Variants in AKAP13 observed in about 807,000 individuals in gnomAD.
AKAP13 encodes A-kinase anchoring protein 13.
In AKAP13, 80 loss-of-function variants were observed where a neutral mutation model predicts 264.5. The observed-to-expected ratio is 0.30, with a 90% CI of 0.25 to 0.36. The LOEUF (loss-of-function observed/expected upper bound fraction) is 0.36. Ranked by LOEUF, AKAP13 falls within the 10% of genes least tolerant of loss-of-function variation. AKAP13 has a pLI of 1.00. For missense variants in AKAP13, 3,712 were observed against 3,435.2 expected, an observed-to-expected ratio of 1.08 and a Z score of -2.01; for synonymous variants, 1,380 against 1,250.2, an observed-to-expected ratio of 1.10 and a Z score of -2.19.
intron 8 of AKAP13, among the ~76,000 whole-genome samples, chr15:85,631,291 G>A (rs1268536919): frequency 1.3e-5 from 2 of 152,010 alleles, no homozygotes; most frequent in Non-Finnish European, 2.9e-5. Flanking sequence ...TGGGGGTGAG[G>A]CATGACTACT....
intron 1 of AKAP13, among the ~76,000 whole-genome samples, chr15:85,391,607 C>G (rs1163017105): frequency 6.6e-6 from 1 of 151,006 alleles, no homozygotes; most frequent in Non-Finnish European, 1.5e-5. Context: ...ACCTTAGCCT[C>G]CCCAGCAGCT....
chr15:85,423,020 A>G (rs1268738027), intron 1 of AKAP13, among the ~76,000 whole-genome samples: 1 of 152,262 alleles, frequency 6.6e-6, no homozygotes, highest in Non-Finnish European at 1.5e-5. Context: ...GTGTGATAGC[A>G]TTGCATCTAA....
chr15:85,645,781 T>C, intron 9 of AKAP13, 37 bp from the exon 10 acceptor site: 1 of 1,541,746 alleles, frequency 6.5e-7, no homozygotes, highest in South Asian at 1.2e-5. Flanking sequence ...TTTTGTTTTT[T>C]TTTTTTCAAT....
chr15:85,452,640 G>T (rs886978991), intron 1 of AKAP13, among the ~76,000 whole-genome samples: 3 of 152,254 alleles, frequency 2.0e-5, no homozygotes, highest in African/African-American at 7.2e-5. Context: ...GGTATGTCAG[G>T]TATCTTTGGT....
At chr15:85,697,441 C>T (rs1026494094) in intron 17 of AKAP13, among the ~76,000 whole-genome samples, 4 of 152,088 alleles carry the variant, frequency 2.6e-5, no homozygotes, top group South Asian at 2.1e-4. Context: ...TGGTGGCGTG[C>T]GCCTGTAATC....
intron 1 of AKAP13, among the ~76,000 whole-genome samples, chr15:85,485,267 A>C (rs2075497601): frequency 6.6e-6 from 1 of 152,176 alleles, no homozygotes; most frequent in Admixed American, 6.5e-5. Flanking sequence ...GGAATTGAGG[A>C]AGAGAGTTCT....
chr15:85,581,305 T>C lies in AKAP13; in HGVS notation c.3237T>C (p.Ser1079=), dbSNP rs753432717. The C allele has an allele frequency of 3.1e-6, 5 of 1,614,054 alleles. No homozygotes were observed. The African/African-American group carries it at 6.7e-5, about 22-fold the overall frequency. The part of the protein sequence containing the change: ...VKNTQSQGKT[S]ACEVSGDVTV... The stretch of plus-strand genomic sequence containing the variant: ...ACACTCAATCCCAGGGAAAAACTAG[T>C]GCCTGTGAGGTGAGTGGAGATGTGA... The change falls in exon 7 of 37, where the codon AGT becomes AGC. Residue 1079 remains serine (S), a synonymous_variant. Transcript: ENST00000394518.
At position 85,722,124 on chromosome 15, in the gene AKAP13, T is replaced by G; in HGVS notation, c.6378+8T>G. 6.2e-7 allele frequency: 1 copy of G among 1,613,484 alleles called. No individual in the cohort carries two copies. The highest frequency in any genetic ancestry group is 8.5e-7 in the Non-Finnish European group (1 of 1,179,738). On this transcript the variant is annotated splice_region_variant and intron_variant, in intron 24 of 36. Transcript: ENST00000394518. Reference sequence around the variant, plus strand: ...TTTCAAGCCTTTGTAAAGGTATTGATAAGAAACATGAAAATCCCCGTTATT... The same window carrying G: ...TTTCAAGCCTTTGTAAAGGTATTGAGAAGAAACATGAAAATCCCCGTTATT...
chr15:85,499,713 C>T (rs915636714), intron 2 of AKAP13, among the ~76,000 whole-genome samples: 6 of 152,062 alleles, frequency 3.9e-5, no homozygotes, highest in Middle Eastern at 3.4e-3. Flanking sequence ...GGATTCATTT[C>T]CTGCCACTTG....
chr15:85,634,944 A>G (rs1307441141), intron 8 of AKAP13, among the ~76,000 whole-genome samples: 1 of 151,654 alleles, frequency 6.6e-6, no homozygotes, highest in Non-Finnish European at 1.5e-5. Context: ...TTGTATGGAT[A>G]TATTATAATT....
At chr15:85,542,736 A>G (rs529141591) in intron 4 of AKAP13, among the ~76,000 whole-genome samples, 7 of 152,332 alleles carry the variant, frequency 4.6e-5, no homozygotes, top group Non-Finnish European at 8.8e-5. Context: ...GGACTGCTGA[A>G]GGAAGAGAGT....
Position 85,664,616 on chromosome 15 carries a change from C to T in AKAP13, c.4853C>T (p.Ser1618Leu), listed in dbSNP as rs1450984518. ...GGAGVGNKPS[S>L]SLEVSSANAE... Reference sequence around the variant, plus strand: ...GCTGGTGTCGGAAACAAGCCATCCTCATCTCTAGAAGTAAGCTCTGCAAAT... The same window carrying T: ...GCTGGTGTCGGAAACAAGCCATCCTTATCTCTAGAAGTAAGCTCTGCAAAT... The change falls in exon 13 of 37, where the codon TCA becomes TTA. Residue 1618 changes from serine to leucine, a missense_variant. Ser to Leu is a moderately radical substitution (Grantham distance 145). Coordinates refer to ENST00000394518, the MANE Select transcript of AKAP13 (RefSeq NM_007200.5). 4 of 1,613,922 alleles carry T rather than the reference C, an allele frequency of 2.5e-6. No homozygotes were observed. The highest frequency in any genetic ancestry group is 3.4e-6 in the Non-Finnish European group (4 of 1,179,872).
intron 14 of AKAP13, among the ~76,000 whole-genome samples, chr15:85,680,381 G>C (rs760131320): frequency 2.0e-5 from 3 of 152,092 alleles, no homozygotes; most frequent in Non-Finnish European, 2.9e-5. Flanking sequence ...TGCAGAACCT[G>C]GGGATGGATC....
At chr15:85,540,286 G>A (rs1317103290) in intron 4 of AKAP13, among the ~76,000 whole-genome samples, 1 of 152,148 alleles carries the variant, frequency 6.6e-6, no homozygotes, top group African/African-American at 2.4e-5. Flanking sequence ...CTCTCCAGGG[G>A]AAATCTAAGA....
chr15:85,428,474 C>T (rs532596703), intron 1 of AKAP13, among the ~76,000 whole-genome samples: 121 of 152,376 alleles, frequency 7.9e-4, no homozygotes, highest in Non-Finnish European at 1.1e-3. Context: ...GCTGGGATTA[C>T]AGGCATGAGC....
intron 2 of AKAP13, among the ~76,000 whole-genome samples, chr15:85,495,632 C>A (rs1170896151): frequency 6.6e-6 from 1 of 152,064 alleles, no homozygotes; most frequent in African/African-American, 2.4e-5. Context: ...CAATTTTTTC[C>A]AAGGCATGCT....
intron 25 of AKAP13, 127 bp from the exon 26 acceptor site, chr15:85,722,945 G>A (rs2087386101): frequency 5.4e-6 from 7 of 1,284,592 alleles, no homozygotes; most frequent in Non-Finnish European, 6.4e-6. Context: ...TCTCTGACGT[G>A]TTGGCTTCCC....
rs767342187 is a variant in AKAP13 at position 85,580,272 on chromosome 15, A to G, written c.2204A>G (p.Lys735Arg). Reference sequence around the variant, plus strand: ...GAACGTGCGGATTTTTGTCCTTTCAAAGTGGTGGATAACAAAGGCCAACGA... The same window carrying G: ...GAACGTGCGGATTTTTGTCCTTTCAGAGTGGTGGATAACAAAGGCCAACGA... ...TQERADFCPF[K>R]VVDNKGQRKD... The change falls in exon 7 of 37, where the codon AAA becomes AGA. Residue 735 changes from lysine to arginine, a missense_variant. Around this residue, in one of 3 missense-constraint regions of AKAP13, gnomAD observed 2,759 missense variants for 2,411.7 expected, o/e 1.14. Coordinates refer to ENST00000394518, the MANE Select transcript of AKAP13 (RefSeq NM_007200.5). 1 of 1,614,184 alleles carries G rather than the reference A, an allele frequency of 6.2e-7. No homozygotes were observed. Among genetic ancestry groups the G allele is most frequent in the South Asian group, 1.1e-5 (1 of 91,088 alleles).
intron 17 of AKAP13, among the ~76,000 whole-genome samples, chr15:85,704,869 G>A (rs1448286440): frequency 6.6e-6 from 1 of 152,166 alleles, no homozygotes; most frequent in South Asian, 2.1e-4. Flanking sequence ...GACTTTGGCT[G>A]ATGTCAGTGG....
Sources: gnomAD v4.1 joint callset for allele counts (sites outside exome capture counted in the v4.1 genomes callset) on GRCh38, gnomAD v4.1.1 for gene constraint, gnomAD v4.1.1 regional missense constraint, MANE v1.5 for transcripts, NCBI Gene and HGNC (gene_info 2026-07-23, HGNC 2026-07-21) for gene names.